ZNF804B: variants seen among roughly 807,000 people sequenced by gnomAD.
ZNF804B encodes zinc finger 804B.
A neutral mutation model predicts 101.4 loss-of-function variants in ZNF804B; 80 were observed. That is an observed-to-expected ratio of 0.79 (90% CI 0.66 to 0.95). ZNF804B has a LOEUF of 0.95. Ranked by LOEUF, ZNF804B falls within the 40% of genes least tolerant of loss-of-function variation. The pLI is 0.00. For synonymous variants in ZNF804B, 622 were observed against 558.8 expected (o/e 1.11, Z -1.59); for missense variants, 1,673 against 1,561.9 (o/e 1.07, Z -1.20).
At chr7:88,947,781 C>T (rs1793159080) in intron 1 of ZNF804B, among the ~76,000 whole-genome samples, 1 of 151,746 alleles carries the variant, frequency 6.6e-6, no homozygotes. Context: ...AATCTAAAAT[C>T]CCAAACAATT....
At chr7:89,148,231 A>G (rs1352245863) in intron 1 of ZNF804B, among the ~76,000 whole-genome samples, 3 of 152,062 alleles carry the variant, frequency 2.0e-5, no homozygotes, top group African/African-American at 7.2e-5. Flanking sequence ...ATTGTTATAT[A>G]TGGTTACTTC....
At chr7:88,845,309 A>G (rs958954351) in intron 1 of ZNF804B, among the ~76,000 whole-genome samples, 2 of 152,030 alleles carry the variant, frequency 1.3e-5, no homozygotes, top group South Asian at 2.1e-4. Flanking sequence ...GCGCACACAC[A>G]CACACACACA....
chr7:89,321,399 A>G (rs1331878053), intron 2 of ZNF804B, among the ~76,000 whole-genome samples: 3 of 152,144 alleles, frequency 2.0e-5, no homozygotes, highest in Non-Finnish European at 4.4e-5. Flanking sequence ...GAATGGCATG[A>G]ACCCGAGAGG....
intron 1 of ZNF804B, among the ~76,000 whole-genome samples, chr7:89,017,734 AC>A (rs1308722458): frequency 6.6e-6 from 1 of 151,968 alleles, no homozygotes; most frequent in Non-Finnish European, 1.5e-5. Flanking sequence ...GAGATTGATC[AC>A]CTTCTTGGTT....
intron 1 of ZNF804B, among the ~76,000 whole-genome samples, chr7:89,025,999 C>T (rs1376142176): frequency 6.6e-6 from 1 of 152,094 alleles, no homozygotes; most frequent in Admixed American, 6.6e-5. Flanking sequence ...TCTACCCCTT[C>T]ACCCTGAAAC....
At chr7:88,939,919 T>G (rs1046921200) in intron 1 of ZNF804B, among the ~76,000 whole-genome samples, 1 of 151,970 alleles carries the variant, frequency 6.6e-6, no homozygotes, top group African/African-American at 2.4e-5. Flanking sequence ...GAATTATAAG[T>G]TTAGATTGAT....
intron 1 of ZNF804B, among the ~76,000 whole-genome samples, chr7:89,187,270 C>T (rs1395100924): frequency 6.6e-6 from 1 of 152,052 alleles, no homozygotes; most frequent in Non-Finnish European, 1.5e-5. Context: ...CATAGAAACT[C>T]ATTTAAATGA....
At chr7:89,170,618 T>C (rs1206187783) in intron 1 of ZNF804B, among the ~76,000 whole-genome samples, 1 of 152,224 alleles carries the variant, frequency 6.6e-6, no homozygotes, top group Non-Finnish European at 1.5e-5. Flanking sequence ...AATCTCTTAC[T>C]GAGGCTGAAT....
chr7:88,949,493 C>T (rs1007935127), intron 1 of ZNF804B, among the ~76,000 whole-genome samples: 2 of 151,892 alleles, frequency 1.3e-5, no homozygotes, highest in Non-Finnish European at 2.9e-5. Flanking sequence ...AAAGAACTGA[C>T]ATAACTTTAG....
At chr7:88,854,527 T>TTCCCTCCC in intron 1 of ZNF804B, among the ~76,000 whole-genome samples, 1 of 40,076 alleles carries the variant, frequency 2.5e-5, no homozygotes, top group East Asian at 1.1e-3. Context: ...CTTTCCTTCC[T>TTCCCTCCC]TTCCTTCCTT....
intron 1 of ZNF804B, among the ~76,000 whole-genome samples, chr7:88,922,351 T>C (rs1792730840): frequency 6.6e-6 from 1 of 152,074 alleles, no homozygotes; most frequent in African/African-American, 2.4e-5. Context: ...AAAGACATCC[T>C]CTGTCCCTTT....
Position 89,220,103 on chromosome 7 carries a change from A to G in ZNF804B, c.249+1808A>G, listed in dbSNP as rs1210722686. Reference sequence around the variant, plus strand: ...TATACATATATATACGCACATATATATGTGTGTATATACATATATATACGC... The same window carrying G: ...TATACATATATATACGCACATATATGTGTGTGTATATACATATATATACGC... On this transcript the variant is annotated intron_variant, in intron 2 of 3. Coordinates refer to ENST00000333190, the MANE Select transcript of ZNF804B (RefSeq NM_181646.5). 1.3e-4 allele frequency among the ~76,000 whole-genome samples: 13 copies of G among 98,418 alleles called. 4 individuals are homozygous for G. The highest frequency in any genetic ancestry group is 4.4e-4 in the African/African-American group (9 of 20,568). 64.6% of individuals were successfully genotyped at this position (98,418 alleles called of 152,430 possible).
rs1288374936 is a variant in ZNF804B at position 89,334,636 on chromosome 7, T to C, written c.1654T>C (p.Tyr552His). The C allele has an allele frequency of 1.2e-6, 2 of 1,613,770 alleles. No homozygotes were observed. Among genetic ancestry groups the C allele is most frequent in the Non-Finnish European group, 1.7e-6 (2 of 1,179,838 alleles). Reference sequence around the variant, plus strand: ...GGATTGGGAAAAATTCCAGAGGAAATATAATTTGGACTACAGTGATTCTGA... The same window carrying C: ...GGATTGGGAAAAATTCCAGAGGAAACATAATTTGGACTACAGTGATTCTGA... Reference protein sequence around the residue: ...NPDWEKFQRKYNLDYSDSEPN... With the variant: ...NPDWEKFQRKHNLDYSDSEPN... Residue 552 changes from tyrosine to histidine, a missense_variant, in exon 4 of 4, where the codon TAT becomes CAT. Coordinates refer to ENST00000333190, the MANE Select transcript of ZNF804B (RefSeq NM_181646.5).
intron 1 of ZNF804B, among the ~76,000 whole-genome samples, chr7:89,117,416 A>C (rs1049285520): frequency 6.6e-6 from 1 of 152,124 alleles, no homozygotes; most frequent in African/African-American, 2.4e-5. Context: ...CCAATAAGAA[A>C]ATTTTCCTTC....
chr7:89,211,257 G>A (rs1442435918), intron 1 of ZNF804B, among the ~76,000 whole-genome samples: 1 of 152,202 alleles, frequency 6.6e-6, no homozygotes, highest in East Asian at 1.9e-4. Context: ...TTTGTCAGAT[G>A]GATAGATTGC....
intron 1 of ZNF804B, among the ~76,000 whole-genome samples, chr7:88,767,846 C>T (rs111501045): frequency 0.027 from 4,181 of 152,320 alleles, 209 homozygotes; most frequent in African/African-American, 0.092. Context: ...CCATTGCAGA[C>T]GCTGTTCCCT....
chr7:88,978,794 CCCTCCCTG>C (rs1793653996), intron 1 of ZNF804B, among the ~76,000 whole-genome samples: 1 of 109,178 alleles, frequency 9.2e-6, no homozygotes, highest in Non-Finnish European at 1.8e-5. Flanking sequence ...CTCCCTCTCT[CCCTCCCTG>C]CCTCCCTCCC....
intron 1 of ZNF804B, among the ~76,000 whole-genome samples, chr7:89,036,260 C>T (rs1434534750): frequency 2.0e-5 from 3 of 151,068 alleles, no homozygotes; most frequent in Non-Finnish European, 3.0e-5. Context: ...AAACTTTATC[C>T]ATGAAAAGAG....
chr7:89,183,460 A>C (rs577027297), intron 1 of ZNF804B, among the ~76,000 whole-genome samples: 1 of 152,298 alleles, frequency 6.6e-6, no homozygotes, highest in Non-Finnish European at 1.5e-5. Flanking sequence ...GAGAAAAGTA[A>C]GGATAAATAC....
Sources: gnomAD v4.1 joint callset for allele counts (sites outside exome capture counted in the v4.1 genomes callset) on GRCh38, gnomAD v4.1.1 for gene constraint, MANE v1.5 for transcripts, NCBI Gene and HGNC (gene_info 2026-07-23, HGNC 2026-07-21) for gene names.